PDPN: variants seen among roughly 807,000 people sequenced by gnomAD.
PDPN encodes PA2.26 antigen.
PDPN carries 12 observed loss-of-function variants against 23.2 expected under a neutral mutation model. The ratio of observed to expected loss-of-function variants is 0.52; its 90% CI spans 0.33 to 0.84. The LOEUF (loss-of-function observed/expected upper bound fraction) is 0.84, where lower values mean the gene tolerates loss of function less well. Among genes scored for constraint, PDPN ranks in the 40% least tolerant of loss-of-function variants. The pLI is 0.02. For synonymous variants in PDPN, 77 were observed against 76.7 expected (o/e 1.00, Z -0.02); for missense variants, 199 against 212.2 (o/e 0.94, Z 0.39).
intron 1 of PDPN, among the ~76,000 whole-genome samples, chr1:13,584,783 C>T (rs1640133047): frequency 6.6e-6 from 1 of 152,078 alleles, no homozygotes; most frequent in South Asian, 2.1e-4. Context: ...ACGTGTTCAT[C>T]TTGGGCAACA....
At position 13,583,889 on chromosome 1, in the gene PDPN, C is replaced by G. The variant is rs996168189; in HGVS notation, c.-145C>G. On this transcript the variant is annotated 5_prime_UTR_variant, in exon 1 of 6. Transcript: ENST00000621990. ...TCTGGGAAGCTCGGGCACCCTCCCT[C>G]TCCGGGGCTCCTGCTCCCACCCCTC... The G allele has an allele frequency of 2.4e-5, 39 of 1,611,174 alleles. No homozygotes were observed. The highest frequency in any genetic ancestry group is 3.1e-5 in the Non-Finnish European group (37 of 1,178,518).
At position 13,616,007 on chromosome 1, in the gene PDPN, G is replaced by A. The variant is rs374201249; in HGVS notation, c.*96G>A. 41 of 1,181,992 alleles carry A rather than the reference G, an allele frequency of 3.5e-5. No homozygotes were observed. Among genetic ancestry groups the A allele is most frequent in the South Asian group, 4.9e-5 (4 of 81,564 alleles). The allele number at this position is 1,181,992 out of a possible 1,614,324, so 73.2% of individuals were successfully genotyped here. Reference sequence around the variant, plus strand: ...CTGAGCTCGTGGGAGAAGATGACCCGTGGAACACTTGCCTGGCCCACTCAG... The same window carrying A: ...CTGAGCTCGTGGGAGAAGATGACCCATGGAACACTTGCCTGGCCCACTCAG... On this transcript the variant is annotated 3_prime_UTR_variant, in exon 6 of 6. Transcript: ENST00000621990.
chr1:13,593,170 G>A (rs1349481507), intron 1 of PDPN, among the ~76,000 whole-genome samples: 1 of 152,154 alleles, frequency 6.6e-6, no homozygotes, highest in African/African-American at 2.4e-5. Context: ...GAAGAGGGAG[G>A]AAACACGATA....
intron 5 of PDPN, chr1:13,614,866 C>T (rs752441121): frequency 2.0e-6 from 1 of 506,182 alleles, no homozygotes; most frequent in Admixed American, 2.1e-5. Flanking sequence ...TCTACTTAGA[C>T]CTTATAAATT....
intron 1 of PDPN, among the ~76,000 whole-genome samples, chr1:13,593,822 G>T (rs145179590): frequency 1.3e-5 from 2 of 152,314 alleles, no homozygotes; most frequent in African/African-American, 4.8e-5. Context: ...TCTAAAGCAG[G>T]TTTTTGTCAT....
chr1:13,595,722 G>A, intron 1 of PDPN: 1 of 488,420 alleles, frequency 2.0e-6, no homozygotes, highest in Non-Finnish European at 3.9e-6. Flanking sequence ...ACCTGCCACA[G>A]TGAATGGGCA....
intron 1 of PDPN, among the ~76,000 whole-genome samples, chr1:13,600,511 T>C (rs1312114938): frequency 1.3e-5 from 2 of 152,104 alleles, no homozygotes; most frequent in Non-Finnish European, 2.9e-5. Context: ...ACTACAGGCC[T>C]GCGCCACCAT....
At chr1:13,600,002 GA>G (rs1640601497) in intron 1 of PDPN, among the ~76,000 whole-genome samples, 1 of 152,184 alleles carries the variant, frequency 6.6e-6, no homozygotes. Context: ...TGAAAGTTTA[GA>G]TTCGTCCAGA....
intron 3 of PDPN, among the ~76,000 whole-genome samples, chr1:13,612,510 C>T (rs990309466): frequency 3.9e-5 from 6 of 152,172 alleles, no homozygotes; most frequent in African/African-American, 1.4e-4. Context: ...GGGCAGTTGA[C>T]TTCTATCAGT....
rs776672429 is a variant in PDPN, at chr1:13,595,866, C to T, written c.68-11307C>T. ...CAACTCGGGGGTGAAGCCTGGTGGA[C>T]AGCGGCAGGGACATCATAAATACAG... On this transcript the variant is annotated intron_variant, in intron 1 of 5. Transcript: ENST00000621990. The T allele has an allele frequency of 3.1e-6, 4 of 1,288,292 alleles. No homozygotes were observed. In the South Asian group the frequency reaches 4.9e-5, roughly 16 times the overall value. The allele number at this position is 1,288,292 out of a possible 1,614,324, so 79.8% of individuals were successfully genotyped here. A position where few individuals can be genotyped will look rare whatever the true frequency, so the allele number is the denominator to read the frequency against.
intron 1 of PDPN, among the ~76,000 whole-genome samples, chr1:13,589,473 T>C (rs1433691976): frequency 6.6e-6 from 1 of 152,200 alleles, no homozygotes; most frequent in Non-Finnish European, 1.5e-5. Flanking sequence ...GCTAACAATA[T>C]AATAACAGCT....
chr1:13,617,361 C>A lies in PDPN; in HGVS notation c.*1450C>A, dbSNP rs1405081196. 1 of 152,306 alleles carries A rather than the reference C, an allele frequency of 6.6e-6. No individual in the cohort carries two copies. The highest frequency in any genetic ancestry group is 1.9e-4 in the East Asian group (1 of 5,186). The allele number at this position is 152,306 out of a possible 1,614,324, so 9.4% of individuals were successfully genotyped here. A position where few individuals can be genotyped will look rare whatever the true frequency, so the allele number is the denominator to read the frequency against. The stretch of plus-strand genomic sequence containing the variant: ...ATTTTAAACAGTGTGTCTGTGTGTT[C>A]CCAAATCCAGCTGGCCCCACCAGCT... On this transcript the variant is annotated 3_prime_UTR_variant, in exon 6 of 6. Transcript: ENST00000621990.
At chr1:13,603,495 A>G (rs1433099345) in intron 1 of PDPN, among the ~76,000 whole-genome samples, 7 of 152,172 alleles carry the variant, frequency 4.6e-5, no homozygotes, top group Non-Finnish European at 1.5e-5. Flanking sequence ...ATAAATAAGC[A>G]TTGCTTACGT....
intron 1 of PDPN, among the ~76,000 whole-genome samples, 171 bp from the exon 2 acceptor site, chr1:13,607,002 T>C (rs1640805245): frequency 6.6e-6 from 1 of 152,176 alleles, no homozygotes; most frequent in Non-Finnish European, 1.5e-5. Flanking sequence ...TCAGAAGTGC[T>C]GCAAGGAGAA....
chr1:13,584,025 A>G lies in PDPN; in HGVS notation c.-9A>G. 2 of 1,613,476 alleles carry G rather than the reference A, an allele frequency of 1.2e-6. No homozygotes were observed. Among genetic ancestry groups the G allele is most frequent in the Non-Finnish European group, 1.7e-6 (2 of 1,179,994 alleles). The stretch of plus-strand genomic sequence containing the variant: ...CGGCCCCCAGGAGAGCAACAACTCA[A>G]CGGGAACGATGTGGAAGGTGTCAGC... On this transcript the variant is annotated 5_prime_UTR_variant, in exon 1 of 6. Coordinates refer to ENST00000621990, the MANE Select transcript of PDPN (RefSeq NM_006474.5).
intron 1 of PDPN, chr1:13,595,910 T>C (rs1219109420): frequency 1.6e-6 from 2 of 1,284,056 alleles, no homozygotes; most frequent in Non-Finnish European, 2.0e-6. Flanking sequence ...TTTAAAGAAG[T>C]GTTCCGGCCG....
At chr1:13,590,660 C>CT (rs1640316512) in intron 1 of PDPN, among the ~76,000 whole-genome samples, 1 of 151,910 alleles carries the variant, frequency 6.6e-6, no homozygotes, top group Non-Finnish European at 1.5e-5. Flanking sequence ...GTTGTGGAGG[C>CT]TGGGGGTTAG....
intron 1 of PDPN, chr1:13,584,311 G>C: frequency 1.3e-6 from 2 of 1,506,060 alleles, no homozygotes; most frequent in African/African-American, 1.4e-5. Flanking sequence ...CGGGTGTGCC[G>C]GGAGGAGCCC....
chr1:13,603,483 A>C (rs368681625), intron 1 of PDPN, among the ~76,000 whole-genome samples: 2 of 152,346 alleles, frequency 1.3e-5, no homozygotes, highest in African/African-American at 4.8e-5. Context: ...TAGTGATTTC[A>C]TATAAATAAG....
Sources: allele counts gnomAD v4.1 joint callset (sites outside exome capture counted in the v4.1 genomes callset), GRCh38; gene constraint gnomAD v4.1.1; transcripts MANE v1.5; gene names NCBI Gene and HGNC (gene_info 2026-07-23, HGNC 2026-07-21).